Variants in KIF13A observed in about 807,000 individuals in gnomAD.
KIF13A encodes the protein kinesin family member 13A, also known as kinesin-like protein KIF13A.
In KIF13A, 79 loss-of-function variants were observed where a neutral mutation model predicts 212.2. The observed-to-expected ratio is 0.37, with a 90% CI of 0.31 to 0.45. KIF13A has a LOEUF of 0.45. KIF13A is among the 20% of genes least tolerant of loss of function. KIF13A has a pLI of 1.00. For synonymous variants in KIF13A, 789 were observed against 808.6 expected (o/e 0.98, Z 0.41); for missense variants, 1,901 against 2,209.0 (o/e 0.86, Z 2.79).
chr6:17,835,700 C>T (rs1376377746), intron 11 of KIF13A, among the ~76,000 whole-genome samples: 1 of 152,170 alleles, frequency 6.6e-6, no homozygotes, highest in Non-Finnish European at 1.5e-5. Context: ...CAAACAATTA[C>T]AATGTAATGC....
downstream of KIF13A, chr6:17,759,978 G>A (rs1354136078): frequency 6.6e-6 from 1 of 152,058 alleles, no homozygotes; most frequent in African/African-American, 2.4e-5. Context: ...CAACTGTGGA[G>A]TCAGGACCCC....
rs1052202428 is a variant in KIF13A, at chr6:17,776,764, C to A, written c.4170+513G>T. Among the ~76,000 whole-genome samples the A allele has an allele frequency of 6.6e-6, 1 of 152,204 alleles. No individual in the cohort carries two copies. The highest frequency in any genetic ancestry group is 2.1e-4 in the South Asian group (1 of 4,834). On this transcript the variant is annotated intron_variant, in intron 34 of 38. Transcript: ENST00000259711. The surrounding 1 kb of genome is among the most constrained non-coding windows in gnomAD (Gnocchi z 4.6). Reference sequence around the variant, plus strand: ...GTCCTATCCCTCTGTGACAGTGTCCCCCCTGCTAGGATCAGTTTCTGTCAA... The same window carrying A: ...GTCCTATCCCTCTGTGACAGTGTCCACCCTGCTAGGATCAGTTTCTGTCAA...
At chr6:17,854,768 G>C (rs1767994026) in intron 6 of KIF13A, among the ~76,000 whole-genome samples, 1 of 151,630 alleles carries the variant, frequency 6.6e-6, no homozygotes, top group Non-Finnish European at 1.5e-5. Flanking sequence ...GGTCAGGCTG[G>C]TCTCGAACTC....
chr6:17,861,733 A>G (rs1768809258), intron 4 of KIF13A, among the ~76,000 whole-genome samples: 1 of 152,138 alleles, frequency 6.6e-6, no homozygotes, highest in Non-Finnish European at 1.5e-5. Flanking sequence ...TGCGCTAGCC[A>G]TTGCTTTTCT....
chr6:17,901,010 G>A (rs950018449), intron 2 of KIF13A, among the ~76,000 whole-genome samples: 7 of 150,840 alleles, frequency 4.6e-5, no homozygotes, highest in Admixed American at 1.3e-4. Context: ...CCCAGGAGGC[G>A]GAGCTTGCAG....
At chr6:17,762,708 T>C (rs1026631119), downstream of KIF13A, among the ~76,000 whole-genome samples, 5 of 152,214 alleles carry the variant, frequency 3.3e-5, no homozygotes, top group Non-Finnish European at 7.3e-5. Flanking sequence ...GTAAAGAAAG[T>C]TGAAGACCTA....
chr6:17,805,966 C>G (rs1275327694), intron 18 of KIF13A, among the ~76,000 whole-genome samples: 1 of 146,660 alleles, frequency 6.8e-6, no homozygotes, highest in Non-Finnish European at 1.5e-5. Flanking sequence ...ATCATCCAAG[C>G]TGCAGTGAAG....
chr6:17,820,926 G>T (rs750237630), intron 16 of KIF13A, among the ~76,000 whole-genome samples: 4 of 152,204 alleles, frequency 2.6e-5, no homozygotes, highest in Non-Finnish European at 5.9e-5. Flanking sequence ...AAACTGAATT[G>T]AGGGGAAACA....
At chr6:17,762,527 T>G (rs1174348268), downstream of KIF13A, among the ~76,000 whole-genome samples, 1 of 152,164 alleles carries the variant, frequency 6.6e-6, no homozygotes, top group Non-Finnish European at 1.5e-5. Flanking sequence ...TATGAATTTT[T>G]AAGAGGCCTG....
intron 4 of KIF13A, among the ~76,000 whole-genome samples, chr6:17,863,727 A>C (rs1769077932): frequency 6.6e-6 from 1 of 152,220 alleles, no homozygotes; most frequent in African/African-American, 2.4e-5. Flanking sequence ...AATATGAAAT[A>C]TCAAGAACCC....
chr6:17,937,508 A>T (rs1013929405), intron 2 of KIF13A, among the ~76,000 whole-genome samples: 1 of 152,232 alleles, frequency 6.6e-6, no homozygotes, highest in African/African-American at 2.4e-5. Context: ...TGTCGTCTGG[A>T]AAAAGTTACA....
rs1764938067 is a variant in KIF13A, at chr6:17,826,096, T to C, written c.1561A>G (p.Ser521Gly). ...RSCVNGTLVC[S>G]TTQLWHGDRI... Reference sequence around the variant, plus strand: ...TCACCATGCCACAGCTGGGTGGTACTGCACACAAGGGTGCCGTTCACACAG... The same window carrying C: ...TCACCATGCCACAGCTGGGTGGTACCGCACACAAGGGTGCCGTTCACACAG... The change falls in exon 15 of 39, where the codon AGT becomes GGT. Residue 521 changes from serine (S) to glycine (G), a missense_variant. Physicochemically the swap from Ser to Gly is moderately conservative, Grantham distance 56. Around this residue, in one of 5 missense-constraint regions of KIF13A, gnomAD observed 506 missense variants for 637.4 expected, o/e 0.79. Coordinates refer to ENST00000259711, the MANE Select transcript of KIF13A (RefSeq NM_022113.6). This position sits in a 1 kb window ranked among gnomAD's most constrained non-coding sequence, Gnocchi z 4.7. 1 of 1,613,906 alleles carries C rather than the reference T, an allele frequency of 6.2e-7. No individual in the cohort carries two copies. Among genetic ancestry groups the C allele is most frequent in the African/African-American group, 1.3e-5 (1 of 74,936 alleles).
intron 18 of KIF13A, among the ~76,000 whole-genome samples, chr6:17,807,833 ACTCTTT>A (rs1283458465): frequency 6.6e-6 from 1 of 151,774 alleles, no homozygotes; most frequent in Non-Finnish European, 1.5e-5. Flanking sequence ...CTCTCTTTGT[ACTCTTT>A]CTCTTTATTT....
At chr6:17,797,682 C>T (rs1355499143) in intron 22 of KIF13A, among the ~76,000 whole-genome samples, 1 of 152,072 alleles carries the variant, frequency 6.6e-6, no homozygotes, top group East Asian at 1.9e-4. Context: ...GATAGCTGGA[C>T]AAAGTGACCA....
intron 17 of KIF13A, among the ~76,000 whole-genome samples, chr6:17,813,573 T>C (rs550766591): frequency 6.6e-6 from 1 of 152,216 alleles, no homozygotes; most frequent in South Asian, 2.1e-4. Flanking sequence ...CTGGGGAAAA[T>C]ATAATTGACT....
At chr6:17,954,303 CA>C (rs71002291) in intron 2 of KIF13A, among the ~76,000 whole-genome samples, 53,677 of 107,136 alleles carry the variant, frequency 0.5, 11,001 homozygotes, top group East Asian at 0.57. Context: ...GACTCCATCT[CA>C]AAAAAAAAAA....
intron 2 of KIF13A, among the ~76,000 whole-genome samples, chr6:17,927,217 A>G (rs2150529945): frequency 6.6e-6 from 1 of 152,338 alleles, no homozygotes; most frequent in Non-Finnish European, 1.5e-5. Flanking sequence ...TTTGCATACC[A>G]GTATTCATAG....
Position 17,963,248 on chromosome 6 carries a change from T to C in KIF13A, c.146+23806A>G, listed in dbSNP as rs1779000920. On this transcript the variant is annotated intron_variant, in intron 2 of 38. Coordinates refer to ENST00000259711, the MANE Select transcript of KIF13A (RefSeq NM_022113.6). This position sits in a 1 kb window ranked among gnomAD's most constrained non-coding sequence, Gnocchi z 4.1. ...GCCTGGCCAACATGGCGAAGCTCCGTCTCTACTAAAAATACAAAAATTAGC... is the reference window on the plus strand; with the variant it reads ...GCCTGGCCAACATGGCGAAGCTCCGCCTCTACTAAAAATACAAAAATTAGC... 6.6e-6 allele frequency among the ~76,000 whole-genome samples: 1 copy of C among 151,998 alleles called. No individual in the cohort carries two copies. The highest frequency in any genetic ancestry group is 1.9e-4 in the East Asian group (1 of 5,130).
Position 17,781,194 on chromosome 6 carries a change from T to G in KIF13A, c.3652A>C (p.Lys1218Gln), listed in dbSNP as rs1251754428. The change falls in exon 30 of 39, where the codon AAG (lysine) becomes CAG (glutamine). Residue 1218 changes from lysine to glutamine, a missense_variant. Around this residue, in one of 5 missense-constraint regions of KIF13A, gnomAD observed 687 missense variants for 759.1 expected, o/e 0.90. Transcript: ENST00000259711. ...TTAATTACCTCATCATCACTGTGCTTTATGATGGGCAGGTAGAAAAACTGG... is the reference window on the plus strand; with the variant it reads ...TTAATTACCTCATCATCACTGTGCTGTATGATGGGCAGGTAGAAAAACTGG... ...GSQFFYLPII[K>Q]HSDDEVSATA... 1 of 1,613,920 alleles carries G rather than the reference T, an allele frequency of 6.2e-7. No homozygotes were observed. Among genetic ancestry groups the G allele is most frequent in the Non-Finnish European group, 8.5e-7 (1 of 1,179,860 alleles).
Sources: gnomAD v4.1 joint callset for allele counts (sites outside exome capture counted in the v4.1 genomes callset) on GRCh38, gnomAD v4.1.1 for gene constraint, gnomAD v4.1.1 regional missense constraint, Gnocchi (gnomAD v3.1) non-coding constraint, MANE v1.5 for transcripts, NCBI Gene and HGNC (gene_info 2026-07-23, HGNC 2026-07-21) for gene names.